Variants in CASZ1 observed in about 807,000 individuals in gnomAD.
The protein encoded by CASZ1 is zinc finger protein castor homolog 1.
A neutral mutation model predicts 135.2 loss-of-function variants in CASZ1; 28 were observed. The observed-to-expected ratio is 0.21, with a 90% CI of 0.15 to 0.28. The LOEUF is 0.28. Ranked by LOEUF, CASZ1 falls within the 10% of genes least tolerant of loss-of-function variation. The probability of loss-of-function intolerance (pLI) is 1.00; values close to 1 mark genes in which losing one functional copy is unlikely to be tolerated. For missense variants in CASZ1, 2,161 were observed against 2,453.3 expected, an observed-to-expected ratio of 0.88 and a Z score of 2.52; for synonymous variants, 1,068 against 1,073.4, an observed-to-expected ratio of 0.99 and a Z score of 0.10.
intron 2 of CASZ1, among the ~76,000 whole-genome samples, chr1:10,738,311 G>A (rs757259154): frequency 1.1e-4 from 17 of 152,188 alleles, no homozygotes; most frequent in Non-Finnish European, 2.2e-4. Flanking sequence ...TCTCAGTCCC[G>A]GGACGCTGAC....
chr1:10,651,400 C>A (rs1376784322), intron 11 of CASZ1: 1 of 228,140 alleles, frequency 4.4e-6, no homozygotes, highest in Non-Finnish European at 8.4e-6. Flanking sequence ...GTGGGGCTGC[C>A]GCTTAGGCTT....
chr1:10,639,689 G>A lies in CASZ1; in HGVS notation c.4533C>T (p.Thr1511=), dbSNP rs375221613. ...CHFADCPFSG[T]STHFHCLRCR... ...AGCGCAGGCAGTGGAAGTGCGTGCT[G>A]GTGCCCGAGAAGGGGCAGTCGGCGA... The change falls in exon 21 of 21, where the codon ACC becomes ACT. Residue 1511 remains threonine (T), a synonymous_variant. Coordinates refer to ENST00000377022, the MANE Select transcript of CASZ1 (RefSeq NM_001079843.3). This position sits in a 1 kb window ranked among gnomAD's most constrained non-coding sequence, Gnocchi z 4.0. 4 of 1,598,030 alleles carry A rather than the reference G, an allele frequency of 2.5e-6. No individual in the cohort carries two copies. Among genetic ancestry groups the A allele is most frequent in the Non-Finnish European group, 3.4e-6 (4 of 1,173,800 alleles).
rs781450627 is a variant in CASZ1, at chr1:10,639,338, C to G, written c.4884G>C (p.Ser1628=). Residue 1628 remains serine, a synonymous_variant, in exon 21 of 21, where the codon TCG becomes TCC. Transcript: ENST00000377022. The surrounding 1 kb of genome is among the most constrained non-coding windows in gnomAD (Gnocchi z 4.0). ...CGGCCGCCGACTGCAGGAAGAGCAG[C>G]GAGCCCGGCTCGGCGCCCAGCGACA... ...GSLSLGAEPG[S]LLFLQSAAAG... 6.7e-7 allele frequency: 1 copy of G among 1,496,654 alleles called. No individual in the cohort carries two copies. Among genetic ancestry groups the G allele is most frequent in the Middle Eastern group, 2.1e-4 (1 of 4,684 alleles). The allele number at this position is 1,496,654 out of a possible 1,614,324, so 92.7% of individuals were successfully genotyped here.
At chr1:10,736,732 C>A (rs535549254) in intron 2 of CASZ1, among the ~76,000 whole-genome samples, 1 of 152,362 alleles carries the variant, frequency 6.6e-6, no homozygotes, top group South Asian at 2.1e-4. Context: ...GAGTGAACCA[C>A]CAGCTTGTCC....
chr1:10,732,983 G>A (rs773222870), intron 2 of CASZ1, among the ~76,000 whole-genome samples: 37 of 152,232 alleles, frequency 2.4e-4, no homozygotes, highest in Non-Finnish European at 3.5e-4. Context: ...GAGCAAAGGC[G>A]GGCTCTGGCT....
At chr1:10,674,744 G>T (rs933527816) in intron 4 of CASZ1, among the ~76,000 whole-genome samples, 3 of 152,220 alleles carry the variant, frequency 2.0e-5, no homozygotes, top group Non-Finnish European at 4.4e-5. Flanking sequence ...CTGGAGTTCA[G>T]CCCCGTGTGG....
At chr1:10,786,773 A>G (rs1442939016) in intron 1 of CASZ1, among the ~76,000 whole-genome samples, 1 of 152,216 alleles carries the variant, frequency 6.6e-6, no homozygotes, top group Non-Finnish European at 1.5e-5. Context: ...TTGGCTCCAG[A>G]GGCACAAAAC....
At position 10,711,117 on chromosome 1, in the gene CASZ1, C is replaced by T. The variant is rs1052097340; in HGVS notation, c.-76-5573G>A. On this transcript the variant is annotated intron_variant, in intron 2 of 20. Transcript: ENST00000377022. This position sits in a 1 kb window ranked among gnomAD's most constrained non-coding sequence, Gnocchi z 4.4. Reference sequence around the variant, plus strand: ...CTACACTCCAGCCTGGGCGACAGAGCGAGACTCCGTCTTGGGGGGAGAAAA... The same window carrying T: ...CTACACTCCAGCCTGGGCGACAGAGTGAGACTCCGTCTTGGGGGGAGAAAA... Among the ~76,000 whole-genome samples, 3 of 152,086 alleles carry T rather than the reference C, an allele frequency of 2.0e-5. No individual in the cohort carries two copies. In the South Asian group the frequency reaches 6.2e-4, roughly 32 times the overall value.
intron 1 of CASZ1, among the ~76,000 whole-genome samples, chr1:10,789,402 C>G (rs1281010011): frequency 1.4e-5 from 2 of 142,168 alleles, no homozygotes; most frequent in Non-Finnish European, 3.0e-5. Context: ...TTCTCTGTGT[C>G]CTCAAGACTC....
At chr1:10,775,545 C>T (rs1436904449) in intron 1 of CASZ1, among the ~76,000 whole-genome samples, 2 of 152,174 alleles carry the variant, frequency 1.3e-5, no homozygotes, top group Non-Finnish European at 2.9e-5. Flanking sequence ...GGGCTGGTTT[C>T]TGGCCTAGGT....
chr1:10,754,761 C>A (rs1640217498), intron 2 of CASZ1, among the ~76,000 whole-genome samples: 1 of 152,232 alleles, frequency 6.6e-6, no homozygotes, highest in African/African-American at 2.4e-5. Context: ...AGCTCAGCTG[C>A]TGGCAAACTC....
At chr1:10,682,874 C>T (rs1287908128) in intron 4 of CASZ1, among the ~76,000 whole-genome samples, 1 of 152,256 alleles carries the variant, frequency 6.6e-6, no homozygotes, top group African/African-American at 2.4e-5. Flanking sequence ...ATCTGTGGCC[C>T]TGCGTGGTGC....
In CASZ1 at chr1:10,642,883, C is replaced by G; in HGVS notation, c.4138G>C (p.Val1380Leu). The G allele has an allele frequency of 1.2e-6, 2 of 1,612,940 alleles. No homozygotes were observed. Among genetic ancestry groups the G allele is most frequent in the Non-Finnish European group, 1.7e-6 (2 of 1,179,914 alleles). Residue 1380 changes from valine to leucine, a missense_variant, in exon 20 of 21, where the codon GTG (valine) becomes CTG (leucine). Around this residue, in one of 7 missense-constraint regions of CASZ1, gnomAD observed 143 missense variants for 128.3 expected, o/e 1.11. Transcript: ENST00000377022. ...CCTGCCGCGGTGCTCTCGTTACCCA[C>G]GGGGGTGCTGGAGCAGCTCCGGTCC... ...TMDRSCSSTPVGNESTAAGNT... is the reference protein window; with the variant it reads ...TMDRSCSSTPLGNESTAAGNT...
chr1:10,735,373 C>T lies in CASZ1; in HGVS notation c.-77+25328G>A, dbSNP rs536522334. ...CTGCATTCTGAGCTGACGAGAGAGG[C>T]GCCTGCAAACGCAGGCGAGGCCCGG... On this transcript the variant is annotated intron_variant, in intron 2 of 20. Transcript: ENST00000377022. The surrounding 1 kb of genome is among the most constrained non-coding windows in gnomAD (Gnocchi z 5.1). Among the ~76,000 whole-genome samples, 168 of 152,306 alleles carry T rather than the reference C, an allele frequency of 1.1e-3. No individual in the cohort carries two copies. Among genetic ancestry groups the T allele is most frequent in the African/African-American group, 3.7e-3 (153 of 41,560 alleles).
At chr1:10,665,808 G>C (rs1275961620) in intron 4 of CASZ1, among the ~76,000 whole-genome samples, 1 of 152,104 alleles carries the variant, frequency 6.6e-6, no homozygotes, top group Admixed American at 6.5e-5. Flanking sequence ...GCACAGAGTA[G>C]GTAGTTCAAG....
At chr1:10,773,655 G>A (rs1640612893) in intron 1 of CASZ1, among the ~76,000 whole-genome samples, 1 of 152,126 alleles carries the variant, frequency 6.6e-6, no homozygotes, top group Non-Finnish European at 1.5e-5. Flanking sequence ...CATGGACCAG[G>A]CAACGGGCTC....
In CASZ1 at chr1:10,691,957, G is replaced by A. The variant is rs143836190; in HGVS notation, c.16+1917C>T. On this transcript the variant is annotated intron_variant, in intron 4 of 20. Transcript: ENST00000377022. ...TCCAGGCCTGAGTCCCACTGGGAGT[G>A]CTCTACTCCAGCTACAGGAGGAAGC... 7.9e-3 allele frequency among the ~76,000 whole-genome samples: 1,204 copies of A among 152,298 alleles called. 72 individuals are homozygous for A. The highest frequency in any genetic ancestry group is 0.075 in the Admixed American group (1,146 of 15,300).
At chr1:10,728,598 A>G (rs1639638230) in intron 2 of CASZ1, among the ~76,000 whole-genome samples, 1 of 151,146 alleles carries the variant, frequency 6.6e-6, no homozygotes, top group African/African-American at 2.4e-5. Flanking sequence ...TTTTTTAATT[A>G]TTATTATTTT....
rs1640892041 is a variant in CASZ1, at chr1:10,788,168, A to G, written c.-234+8396T>C. On this transcript the variant is annotated intron_variant, in intron 1 of 20. Transcript: ENST00000377022. This position sits in a 1 kb window ranked among gnomAD's most constrained non-coding sequence, Gnocchi z 4.1. ...GCTCTGCCATTAAGGGGATGTATCC[A>G]TTACTGTGGATAGGGGAACCGGGAG... is the stretch of plus-strand genomic sequence containing the variant. Among the ~76,000 whole-genome samples, 1 of 152,128 alleles carries G rather than the reference A, an allele frequency of 6.6e-6. No homozygotes were observed. Among genetic ancestry groups the G allele is most frequent in the Non-Finnish European group, 1.5e-5 (1 of 68,010 alleles).
Sources: gnomAD v4.1 joint callset for allele counts (sites outside exome capture counted in the v4.1 genomes callset) on GRCh38, gnomAD v4.1.1 for gene constraint, gnomAD v4.1.1 regional missense constraint, Gnocchi (gnomAD v3.1) non-coding constraint, MANE v1.5 for transcripts, NCBI Gene and HGNC (gene_info 2026-07-23, HGNC 2026-07-21) for gene names.